MAPK10: variants seen among roughly 807,000 people sequenced by gnomAD.
The protein encoded by MAPK10 is mitogen-activated protein kinase 10, also known as JNK3 alpha protein kinase.
In MAPK10, 25 loss-of-function variants were observed where a neutral mutation model predicts 59.3. The ratio of observed to expected loss-of-function variants is 0.42; its 90% CI spans 0.31 to 0.59. The LOEUF is 0.59. Among genes scored for constraint, MAPK10 ranks in the 20% least tolerant of loss-of-function variants. MAPK10 has a pLI of 0.15. For missense variants in MAPK10, 351 were observed against 568.9 expected (o/e 0.62, Z 3.90); for synonymous variants, 190 against 200.5 (o/e 0.95, Z 0.44).
chr4:86,347,553 T>C (rs1165988426), intron 2 of MAPK10, among the ~76,000 whole-genome samples: 1 of 152,088 alleles, frequency 6.6e-6, no homozygotes, highest in Non-Finnish European at 1.5e-5. Context: ...AATACTAGAG[T>C]GTCTTAGTCC....
chr4:86,534,963 A>G (rs1414008048), intron 1 of MAPK10, among the ~76,000 whole-genome samples: 1 of 152,160 alleles, frequency 6.6e-6, no homozygotes, highest in Admixed American at 6.6e-5. Flanking sequence ...TGATTTTTAA[A>G]AGATCAGTTC....
chr4:86,545,657 C>T (rs1759092201), intron 1 of MAPK10, among the ~76,000 whole-genome samples: 1 of 152,074 alleles, frequency 6.6e-6, no homozygotes, highest in African/African-American at 2.4e-5. Context: ...GAGAGAAGTC[C>T]AGGAAGCAGC....
intron 9 of MAPK10, among the ~76,000 whole-genome samples, chr4:86,074,287 C>T (rs1052232421): frequency 7.6e-5 from 11 of 145,116 alleles, no homozygotes; most frequent in Admixed American, 1.4e-4. Flanking sequence ...CTATGTGTGT[C>T]TCTGCACGTG....
chr4:86,458,882 G>C (rs1232408030), intron 1 of MAPK10, among the ~76,000 whole-genome samples: 2 of 152,092 alleles, frequency 1.3e-5, no homozygotes, highest in African/African-American at 4.8e-5. Flanking sequence ...CACGAACCCA[G>C]AAGTAAATGC....
intron 2 of MAPK10, among the ~76,000 whole-genome samples, chr4:86,295,085 T>TA (rs1335025615): frequency 6.6e-6 from 1 of 152,200 alleles, no homozygotes; most frequent in African/African-American, 2.4e-5. Flanking sequence ...AAATACAGCA[T>TA]AAAATCAGAT....
At chr4:86,562,218 A>C (rs548893149) in intron 1 of MAPK10, among the ~76,000 whole-genome samples, 1 of 152,152 alleles carries the variant, frequency 6.6e-6, no homozygotes. Flanking sequence ...GGTGGAGGCT[A>C]CAGTGAGCTG....
At chr4:86,438,932 A>G (rs1749094386) in intron 1 of MAPK10, among the ~76,000 whole-genome samples, 1 of 152,148 alleles carries the variant, frequency 6.6e-6, no homozygotes, top group Admixed American at 6.5e-5. Flanking sequence ...CCAACTAGTC[A>G]CTAGCAAATG....
rs973081967 is a variant in MAPK10, at chr4:86,056,570, G to A, written c.1110+7696C>T. On this transcript the variant is annotated intron_variant, in intron 11 of 13. Transcript: ENST00000641462. ...CAATGCAAACAAGAACTCATTCATG[G>A]AGTAGATTTAATAGAGCAAGTAACA... Among the ~76,000 whole-genome samples, 21 of 149,868 alleles carry A rather than the reference G, an allele frequency of 1.4e-4. 4 individuals are homozygous for A. The highest frequency in any genetic ancestry group is 5.0e-4 in the African/African-American group (20 of 40,054).
At chr4:86,076,358 G>A (rs1484854552) in intron 9 of MAPK10, among the ~76,000 whole-genome samples, 6 of 152,152 alleles carry the variant, frequency 3.9e-5, no homozygotes, top group Admixed American at 1.3e-4. Flanking sequence ...CATCTTCTGC[G>A]TCGCTCACGC....
At chr4:86,522,119 T>A (rs560477893) in intron 1 of MAPK10, among the ~76,000 whole-genome samples, 1 of 152,214 alleles carries the variant, frequency 6.6e-6, no homozygotes, top group Non-Finnish European at 1.5e-5. Flanking sequence ...TGATCTAGAT[T>A]TTCAGGTTCC....
chr4:86,251,374 G>T, intron 2 of MAPK10, among the ~76,000 whole-genome samples: 1 of 148,776 alleles, frequency 6.7e-6, no homozygotes. Context: ...CCCTTCCTGT[G>T]TCCATGTGAT....
At chr4:86,361,550 G>A (rs1363373363), upstream of MAPK10, among the ~76,000 whole-genome samples, 1 of 152,082 alleles carries the variant, frequency 6.6e-6, no homozygotes. Context: ...TTGTCGAAGA[G>A]ATGTCTGCAT....
At chr4:86,148,552 T>C (rs1193524222) in intron 4 of MAPK10, among the ~76,000 whole-genome samples, 1 of 152,124 alleles carries the variant, frequency 6.6e-6, no homozygotes, top group African/African-American at 2.4e-5. Context: ...CGGGGTATGA[T>C]GAAGACCTGG....
At chr4:86,566,601 G>C (rs977036471) in intron 1 of MAPK10, among the ~76,000 whole-genome samples, 8 of 151,906 alleles carry the variant, frequency 5.3e-5, no homozygotes, top group Non-Finnish European at 1.0e-4. Context: ...TGTATTCCCA[G>C]CTGCTCGGGA....
intron 2 of MAPK10, among the ~76,000 whole-genome samples, chr4:86,298,973 G>A (rs2095419767): frequency 6.6e-6 from 1 of 152,058 alleles, no homozygotes; most frequent in Non-Finnish European, 1.5e-5. Context: ...TTAATAGTTG[G>A]TGCTAATGTA....
chr4:86,203,689 G>C (rs2083155104), intron 2 of MAPK10, among the ~76,000 whole-genome samples: 1 of 149,898 alleles, frequency 6.7e-6, no homozygotes, highest in Non-Finnish European at 1.5e-5. Context: ...CAAAGTCATT[G>C]TTAATTAAAA....
rs10525325 is a variant in MAPK10, at chr4:86,165,543, A to AT, written c.67-6077dup. On this transcript the variant is annotated intron_variant, in intron 3 of 13. Transcript: ENST00000641462. Reference sequence around the variant, plus strand: ...AGGCACATGCCACCACTCCCAGATAATTTTTTTTTTTTTTTTTTTTTTTTT... The same window carrying AT: ...AGGCACATGCCACCACTCCCAGATAATTTTTTTTTTTTTTTTTTTTTTTTTT... 5.4e-3 allele frequency among the ~76,000 whole-genome samples: 308 copies of AT among 57,280 alleles called. 65 individuals are homozygous for AT. The highest frequency in any genetic ancestry group is 7.7e-3 in the Non-Finnish European group (211 of 27,260). The allele number at this position is 57,280 out of a possible 152,430, so 37.6% of individuals were successfully genotyped here.
At chr4:86,418,942 G>T (rs1353910874) in intron 1 of MAPK10, among the ~76,000 whole-genome samples, 1 of 152,154 alleles carries the variant, frequency 6.6e-6, no homozygotes, top group Non-Finnish European at 1.5e-5. Flanking sequence ...ATATCATATG[G>T]GAGCTAAGCT....
At chr4:86,025,262 C>T in intron 13 of MAPK10, 1 of 365,994 alleles carries the variant, frequency 2.7e-6, no homozygotes, top group Admixed American at 4.6e-5. Flanking sequence ...TAAATGTTAA[C>T]CAGTCCACCA....
Sources: allele counts gnomAD v4.1 joint callset (sites outside exome capture counted in the v4.1 genomes callset), GRCh38; gene constraint gnomAD v4.1.1; transcripts MANE v1.5; gene names NCBI Gene and HGNC (gene_info 2026-07-23, HGNC 2026-07-21).